The following ABCB4 variants were observed in gnomAD, a reference collection of about 807,000 sequenced individuals.
The protein encoded by ABCB4 is phosphatidylcholine translocator ABCB4.
A neutral mutation model predicts 145.7 loss-of-function variants in ABCB4; 76 were observed. That is an observed-to-expected ratio of 0.52 (90% CI 0.43 to 0.63). ABCB4 has a LOEUF of 0.63. Ranked by LOEUF, ABCB4 falls within the 30% of genes least tolerant of loss-of-function variation. ABCB4 has a pLI of 0.00. For missense variants in ABCB4, 1,234 were observed against 1,553.1 expected (o/e 0.79, Z 3.45); for synonymous variants, 517 against 566.8 (o/e 0.91, Z 1.25).
At chr7:87,471,419 C>T (rs953548384) in intron 3 of ABCB4, among the ~76,000 whole-genome samples, 1 of 151,552 alleles carries the variant, frequency 6.6e-6, no homozygotes, top group African/African-American at 2.4e-5. Flanking sequence ...ATAAATAAAA[C>T]CAGCTTTCAT....
At chr7:87,390,822 C>A in the ABCB4 span, among the ~76,000 whole-genome samples, 8 of 152,186 alleles carry the variant, frequency 5.3e-5, no homozygotes, top group African/African-American at 1.9e-4. Context: ...TACCCCAAAA[C>A]GTAGTGGCTT....
At chr7:87,366,711 C>T in the ABCB4 span, among the ~76,000 whole-genome samples, 4 of 152,210 alleles carry the variant, frequency 2.6e-5, no homozygotes, top group Non-Finnish European at 5.9e-5. Context: ...CCCAGGCATA[C>T]ACATTCAAAT....
rs45456091 is a variant in ABCB4 at position 87,458,759 on chromosome 7, C to T, written c.286+3999G>A. Among the ~76,000 whole-genome samples the T allele has an allele frequency of 4.0e-3, 616 of 152,154 alleles. 3 individuals are homozygous for T. The highest frequency in any genetic ancestry group is 0.014 in the African/African-American group (588 of 41,512). ...TTCCATCTAAATACTCCATAGCATC[C>T]AGTAAGCCTAATGAGAAACATGGCT... On this transcript the variant is annotated intron_variant, in intron 4 of 27. Transcript: ENST00000649586.
At chr7:87,383,106 G>C in the ABCB4 span, among the ~76,000 whole-genome samples, 2 of 152,084 alleles carry the variant, frequency 1.3e-5, no homozygotes, top group Non-Finnish European at 2.9e-5. Context: ...TTACGTCTTC[G>C]TGTGGGGAAT....
intron 23 of ABCB4, among the ~76,000 whole-genome samples, chr7:87,409,953 A>G (rs1377588342): frequency 2.6e-5 from 4 of 152,226 alleles, no homozygotes; most frequent in Non-Finnish European, 5.9e-5. Flanking sequence ...CAATTAAAAT[A>G]ACTATGCTAT....
intron 3 of ABCB4, among the ~76,000 whole-genome samples, chr7:87,465,990 G>A (rs575059534): frequency 6.6e-5 from 10 of 152,314 alleles, no homozygotes; most frequent in East Asian, 5.8e-4. Context: ...AAATCAGAGC[G>A]CCTCTCCTCC....
chr7:87,475,522 G>A (rs1584808038), intron 1 of ABCB4, 51 bp from the exon 2 acceptor site: 2 of 1,587,486 alleles, frequency 1.3e-6, no homozygotes, highest in Non-Finnish European at 8.6e-7. Flanking sequence ...CCGGCGGCCC[G>A]GCGCACGAGT....
At chr7:87,473,290 TA>T (rs1410536558) in intron 2 of ABCB4, among the ~76,000 whole-genome samples, 1 of 152,196 alleles carries the variant, frequency 6.6e-6, no homozygotes, top group Non-Finnish European at 1.5e-5. Context: ...ATCCTTGCAT[TA>T]ACCTCTGAGG....
chr7:87,453,108 A>G lies in ABCB4; in HGVS notation c.372T>C (p.Gly124=). The G allele has an allele frequency of 1.2e-6, 2 of 1,614,070 alleles. No individual in the cohort carries two copies. The highest frequency in any genetic ancestry group is 1.7e-6 in the Non-Finnish European group (2 of 1,180,010). The part of the protein sequence containing the change: ...TRYAYYYSGL[G]AGVLVAAYIQ... ...TATAGGCAGCAACAAGAACTCCAGC[A>G]CCCAATCCTGAGTAGTAATATGCAT... Residue 124 remains glycine (G), a synonymous_variant, in exon 6 of 28, where the codon GGT becomes GGC. Transcript: ENST00000649586.
chr7:87,426,652 G>T, intron 16 of ABCB4, 98 bp downstream of exon 16: 1 of 1,250,044 alleles, frequency 8.0e-7, no homozygotes, highest in Non-Finnish European at 1.2e-6. Context: ...CATAGTAGCA[G>T]TCATCTGTGC....
At chr7:87,368,927 T>A in the ABCB4 span, among the ~76,000 whole-genome samples, 1,305 of 152,362 alleles carry the variant, frequency 8.6e-3, 20 homozygotes, top group African/African-American at 0.03. Context: ...CCTTTTCTAC[T>A]GAAAATTATT....
the ABCB4 span, chr7:87,375,910 T>C: frequency 2.6e-5 from 42 of 1,613,166 alleles, no homozygotes; most frequent in Non-Finnish European, 3.6e-5. Flanking sequence ...GTATATTCCA[T>C]GGAGGATAGC....
chr7:87,378,751 G>A, the ABCB4 span, among the ~76,000 whole-genome samples: 1 of 152,220 alleles, frequency 6.6e-6, no homozygotes, highest in Admixed American at 6.5e-5. Flanking sequence ...GCTTGGATGA[G>A]CTTGGCCTGG....
In ABCB4 at chr7:87,417,440, A is replaced by T; in HGVS notation, c.2554T>A (p.Tyr852Asn). Residue 852 changes from tyrosine to asparagine, a missense_variant, in exon 21 of 28, where the codon TAC (tyrosine) becomes AAC (asparagine). Tyr to Asn is a moderately radical substitution (Grantham distance 143, BLOSUM62 -2). Transcript: ENST00000649586. ...LGTGIIISFIYGWQLTLLLLA... is the reference protein window; with the variant it reads ...LGTGIIISFINGWQLTLLLLA... ...AGCAATAGGGTTAACTGCCAACCGT[A>T]GATAAATGATATGATAATACCAGTT... 1.2e-6 allele frequency: 2 copies of T among 1,614,184 alleles called. No homozygotes were observed. Among genetic ancestry groups the T allele is most frequent in the Non-Finnish European group, 1.7e-6 (2 of 1,180,002 alleles).
chr7:87,428,455 A>T (rs1477058694), intron 15 of ABCB4, among the ~76,000 whole-genome samples: 1 of 152,068 alleles, frequency 6.6e-6, no homozygotes, highest in Non-Finnish European at 1.5e-5. Context: ...AATGGGGTAA[A>T]TATCCTTTCG....
chr7:87,375,794 T>G, the ABCB4 span: 1 of 1,612,852 alleles, frequency 6.2e-7, no homozygotes, highest in Non-Finnish European at 8.5e-7. Flanking sequence ...GTATTTCAGT[T>G]GTAATATTTG....
intron 9 of ABCB4, among the ~76,000 whole-genome samples, chr7:87,445,531 A>T (rs1044883420): frequency 6.6e-6 from 1 of 152,190 alleles, no homozygotes; most frequent in Non-Finnish European, 1.5e-5. Context: ...ATTTCCCTTC[A>T]CAGTATTTTT....
chr7:87,376,114 T>C, the ABCB4 span, among the ~76,000 whole-genome samples: 12 of 152,116 alleles, frequency 7.9e-5, no homozygotes, highest in African/African-American at 2.4e-4. Context: ...ATAAAGTAGA[T>C]AGTAAATTGG....
intron 3 of ABCB4, among the ~76,000 whole-genome samples, chr7:87,470,409 G>T (rs1036466332): frequency 1.3e-5 from 2 of 152,262 alleles, no homozygotes; most frequent in East Asian, 1.9e-4. Context: ...CACAGCAAAA[G>T]AAACTATCAT....
Sources: allele counts gnomAD v4.1 joint callset (sites outside exome capture counted in the v4.1 genomes callset), GRCh38; gene constraint gnomAD v4.1.1; transcripts MANE v1.5; gene names NCBI Gene and HGNC (gene_info 2026-07-23, HGNC 2026-07-21).